GLYR1: variants seen among roughly 807,000 people sequenced by gnomAD.
The protein encoded by GLYR1 is glyoxylate reductase 1 homolog, also known as cytokine-like nuclear factor N-PAC.
Under a neutral mutation model 72.7 loss-of-function variants are expected in GLYR1, and 21 were observed. The ratio of observed to expected loss-of-function variants is 0.29; its 90% CI spans 0.20 to 0.42. GLYR1 has a LOEUF of 0.42. GLYR1 is among the 10% of genes least tolerant of loss of function. The probability of loss-of-function intolerance (pLI) is 1.00; values close to 1 mark genes in which losing one functional copy is unlikely to be tolerated. For missense variants in GLYR1, 594 were observed against 712.1 expected (o/e 0.83, Z 1.89); for synonymous variants, 392 against 270.2 (o/e 1.45, Z -4.42).
chr16:4,817,809 A>G lies in GLYR1; in HGVS notation c.807-112T>C, dbSNP rs530052228. The G allele has an allele frequency of 5.6e-6, 4 of 718,790 alleles. No individual in the cohort carries two copies. In the African/African-American group the frequency reaches 7.0e-5, roughly 13 times the overall value. The allele number at this position is 718,790 out of a possible 1,614,324, so 44.5% of individuals were successfully genotyped here. A position where few individuals can be genotyped will look rare whatever the true frequency, so the allele number is the denominator to read the frequency against. Reference sequence around the variant, plus strand: ...TATACAGCTTGGGGTAGGGGAATTCAGACTGCCAGAAACAGCAGTGGCCAA... The same window carrying G: ...TATACAGCTTGGGGTAGGGGAATTCGGACTGCCAGAAACAGCAGTGGCCAA... On this transcript the variant is annotated intron_variant, in intron 9 of 15. Coordinates refer to ENST00000321919, the MANE Select transcript of GLYR1 (RefSeq NM_032569.4).
At chr16:4,836,656 G>A (rs780656098) in intron 3 of GLYR1, among the ~76,000 whole-genome samples, 1 of 152,178 alleles carries the variant, frequency 6.6e-6, no homozygotes, top group Admixed American at 6.5e-5. Flanking sequence ...TACCACTCGT[G>A]CAAAGACAAG....
chr16:4,821,705 TTTG>T, intron 7 of GLYR1, 108 bp from the exon 8 acceptor site: 1 of 1,013,750 alleles, frequency 9.9e-7, no homozygotes, highest in Non-Finnish European at 1.6e-6. Flanking sequence ...ACATCAACTA[TTTG>T]TTTTATACTT....
At chr16:4,820,443 CAATA>C (rs1245037440) in intron 9 of GLYR1, among the ~76,000 whole-genome samples, 2 of 152,154 alleles carry the variant, frequency 1.3e-5, no homozygotes, top group African/African-American at 4.8e-5. Context: ...ACTAATGGGC[CAATA>C]AATGTGTTGG....
intron 3 of GLYR1, among the ~76,000 whole-genome samples, chr16:4,834,599 G>C (rs1199845405): frequency 6.6e-6 from 1 of 152,084 alleles, no homozygotes; most frequent in Non-Finnish European, 1.5e-5. Context: ...CCGAGTTGCT[G>C]GGACTACAGG....
intron 3 of GLYR1, among the ~76,000 whole-genome samples, 197 bp downstream of exon 3, chr16:4,844,877 T>C (rs2085869981): frequency 1.3e-5 from 2 of 152,228 alleles, no homozygotes; most frequent in Non-Finnish European, 2.9e-5. Flanking sequence ...GACTTAGTTA[T>C]AGACCTAGGA....
intron 9 of GLYR1, among the ~76,000 whole-genome samples, chr16:4,820,802 C>A (rs1048416196): frequency 1.2e-4 from 18 of 152,218 alleles, no homozygotes; most frequent in Non-Finnish European, 1.6e-4. Flanking sequence ...GGCACAGAGG[C>A]AAGGCTGGGC....
chr16:4,830,690 C>G (rs1342810000), intron 5 of GLYR1, among the ~76,000 whole-genome samples: 1 of 152,200 alleles, frequency 6.6e-6, no homozygotes, highest in Non-Finnish European at 1.5e-5. Context: ...AATCCTACCG[C>G]GTTCCTGACA....
At chr16:4,824,067 G>A (rs1247418439) in intron 5 of GLYR1, among the ~76,000 whole-genome samples, 160 bp from the exon 6 acceptor site, 1 of 152,292 alleles carries the variant, frequency 6.6e-6, no homozygotes, top group African/African-American at 2.4e-5. Context: ...TTAACACAAA[G>A]TGAGTCTTTC....
rs1037185258 is a variant in GLYR1, at chr16:4,843,435, C to G, written c.155+1639G>C. On this transcript the variant is annotated intron_variant, in intron 3 of 15. Transcript: ENST00000321919. The stretch of plus-strand genomic sequence containing the variant: ...CTCCCAAAGTACTGGGATTGCAGGC[C>G]TGAGGCACCATGCCCGGCCAAATCT... 1.9e-5 allele frequency: 23 copies of G among 1,208,360 alleles called. No individual in the cohort carries two copies. The East Asian group carries it at 1.1e-3, about 59-fold the overall frequency. 74.9% of individuals were successfully genotyped at this position (1,208,360 alleles called of 1,614,324 possible). A position where few individuals can be genotyped will look rare whatever the true frequency, so the allele number is the denominator to read the frequency against.
chr16:4,834,410 C>T (rs974972566), intron 3 of GLYR1, among the ~76,000 whole-genome samples: 2 of 151,186 alleles, frequency 1.3e-5, no homozygotes, highest in African/African-American at 4.9e-5. Flanking sequence ...AGTGATTCTC[C>T]TGCCTCAGCC....
At chr16:4,816,353 G>C (rs1026539573) in intron 10 of GLYR1, among the ~76,000 whole-genome samples, 1 of 151,896 alleles carries the variant, frequency 6.6e-6, no homozygotes, top group Non-Finnish European at 1.5e-5. Flanking sequence ...ATGTTGTCCA[G>C]GCTGGTCTCA....
At chr16:4,832,571 A>C (rs1284972964) in intron 4 of GLYR1, 1 of 646,504 alleles carries the variant, frequency 1.5e-6, no homozygotes, top group African/African-American at 1.8e-5. Context: ...ATTTTCCTAA[A>C]AGCAACAACC....
intron 12 of GLYR1, 114 bp from the exon 13 acceptor site, chr16:4,812,362 G>C (rs1596313040): frequency 2.6e-6 from 3 of 1,170,068 alleles, no homozygotes; most frequent in Admixed American, 2.7e-5. Flanking sequence ...CAGAGCTGGA[G>C]GGGACGGCCA....
intron 5 of GLYR1, among the ~76,000 whole-genome samples, chr16:4,828,713 T>C (rs759406328): frequency 1.6e-4 from 25 of 152,072 alleles, no homozygotes; most frequent in Non-Finnish European, 3.1e-4. Flanking sequence ...GCTGTGTCCA[T>C]GTCACTCATT....
Position 4,803,851 on chromosome 16 carries a change from G to A in GLYR1, c.*1385C>T, listed in dbSNP as rs1050052892. 6.6e-6 allele frequency: 1 copy of A among 152,206 alleles called. No individual in the cohort carries two copies. Among genetic ancestry groups the A allele is most frequent in the African/African-American group, 2.4e-5 (1 of 41,422 alleles). 9.4% of individuals were successfully genotyped at this position (152,206 alleles called of 1,614,324 possible). On this transcript the variant is annotated 3_prime_UTR_variant, in exon 16 of 16. Transcript: ENST00000321919. ...CCTTCCTTCTGCAAATTATGATTTT[G>A]GAAAATCCAACCCATGCAGAGGGAT...
intron 9 of GLYR1, among the ~76,000 whole-genome samples, chr16:4,820,243 C>A (rs936361538): frequency 6.6e-6 from 1 of 152,194 alleles, no homozygotes; most frequent in African/African-American, 2.4e-5. Context: ...CCCACCTTGG[C>A]CTCCCAAAGT....
intron 5 of GLYR1, among the ~76,000 whole-genome samples, chr16:4,830,674 G>A (rs1034014347): frequency 6.6e-6 from 1 of 152,134 alleles, no homozygotes; most frequent in African/African-American, 2.4e-5. Flanking sequence ...TTATCCTGCT[G>A]TTGACAATCC....
chr16:4,812,555 C>T lies in GLYR1; in HGVS notation c.1120-307G>A, dbSNP rs533646134. Among the ~76,000 whole-genome samples, 91 of 151,274 alleles carry T rather than the reference C, an allele frequency of 6.0e-4. 1 individual carries two copies. The highest frequency in any genetic ancestry group is 2.1e-3 in the African/African-American group (87 of 41,154). ...TCGCCCAGGCTGGAGTGCAGTGGAG[C>T]GATCTCGGATCACTGCAAGCTCCGC... On this transcript the variant is annotated intron_variant, in intron 12 of 15. Transcript: ENST00000321919.
chr16:4,827,667 G>C (rs774036709), intron 5 of GLYR1, among the ~76,000 whole-genome samples: 3 of 152,004 alleles, frequency 2.0e-5, no homozygotes, highest in African/African-American at 4.8e-5. Context: ...TTGGGAGGCC[G>C]AGGCAGGTGG....
Sources: allele counts gnomAD v4.1 joint callset (sites outside exome capture counted in the v4.1 genomes callset), GRCh38; gene constraint gnomAD v4.1.1; transcripts MANE v1.5; gene names NCBI Gene and HGNC (gene_info 2026-07-23, HGNC 2026-07-21).